Variants in DERPC observed in about 807,000 individuals in gnomAD.
DERPC encodes DERPC proline and glycine rich nuclear protein, also known as decreased expression in renal and prostate cancer protein.
In DERPC, 1 loss-of-function variant was observed where a neutral mutation model predicts 7.2. The observed-to-expected ratio is 0.14, with a 90% CI of 0.05 to 0.66. The LOEUF (loss-of-function observed/expected upper bound fraction) is 0.66. Among genes scored for constraint, DERPC ranks in the 30% least tolerant of loss-of-function variants. The pLI, the probability that DERPC is intolerant of heterozygous loss-of-function variation, is 0.84. For missense variants in DERPC, 502 were observed against 299.4 expected (o/e 1.68, Z -4.99); for synonymous variants, 185 against 117.6 (o/e 1.57, Z -3.71).
In DERPC at chr16:69,125,514, C is replaced by T. The variant is rs117114130; in HGVS notation, c.-279-4021G>A. ...AAAGGAAAAAAAGTATTAATGAGAA[C>T]GAAAAAGAATCAAGGCATCAGGCAG... On this transcript the variant is annotated intron_variant, in intron 1 of 2. Coordinates refer to ENST00000519520, the MANE Select transcript of DERPC (RefSeq NM_001002847.4). Among the ~76,000 whole-genome samples, 540 of 152,054 alleles carry T rather than the reference C, an allele frequency of 3.6e-3. 13 individuals carry two copies. The East Asian group carries it at 0.046, about 13-fold the overall frequency.
At chr16:69,121,358 G>T in intron 2 of DERPC, 78 bp downstream of exon 2, 1 of 1,370,280 alleles carries the variant, frequency 7.3e-7, no homozygotes, top group Non-Finnish European at 1.0e-6. Context: ...TAAGGACCCT[G>T]ATTCTTCCAG....
intron 2 of DERPC, 156 bp downstream of exon 2, chr16:69,121,280 T>C (rs1961634855): frequency 2.4e-6 from 3 of 1,267,724 alleles, no homozygotes; most frequent in Admixed American, 4.0e-5. Context: ...TGTCAAGTTC[T>C]TGGGAAATTG....
intron 1 of DERPC, among the ~76,000 whole-genome samples, chr16:69,122,286 A>T (rs1961729659): frequency 6.6e-6 from 1 of 152,214 alleles, no homozygotes; most frequent in African/African-American, 2.4e-5. Flanking sequence ...ACTAAGGAAA[A>T]GATGATATGA....
intron 1 of DERPC, among the ~76,000 whole-genome samples, chr16:69,129,245 A>G (rs1029274885): frequency 6.6e-6 from 1 of 151,802 alleles, no homozygotes; most frequent in Non-Finnish European, 1.5e-5. Flanking sequence ...CCTGGATAAC[A>G]CAGTGAAACC....
chr16:69,128,529 C>T (rs955981306), intron 1 of DERPC, among the ~76,000 whole-genome samples: 5 of 152,136 alleles, frequency 3.3e-5, no homozygotes, highest in South Asian at 2.1e-4. Flanking sequence ...TGGGCCTTCA[C>T]GCAGCTAAAT....
At chr16:69,126,710 G>GTATT (rs1962084852) in intron 1 of DERPC, among the ~76,000 whole-genome samples, 3 of 152,236 alleles carry the variant, frequency 2.0e-5, no homozygotes, top group African/African-American at 7.2e-5. Context: ...GCACGTGGGT[G>GTATT]TATTTACTAC....
intron 1 of DERPC, chr16:69,131,268 G>A (rs1962487076): frequency 6.6e-6 from 1 of 152,098 alleles, no homozygotes; most frequent in Non-Finnish European, 1.5e-5. Flanking sequence ...TCACATTTTA[G>A]GATTCCCACG....
intron 1 of DERPC, among the ~76,000 whole-genome samples, chr16:69,124,057 T>C (rs1961882317): frequency 1.3e-5 from 2 of 148,728 alleles, no homozygotes; most frequent in Non-Finnish European, 3.0e-5. Flanking sequence ...TGAGCTGAGA[T>C]CACACCACTG....
In DERPC at chr16:69,118,153, AT is replaced by A; in HGVS notation, c.*700del. 2 of 394,616 alleles carry A rather than the reference AT, an allele frequency of 5.1e-6. No individual in the cohort carries two copies. The highest frequency in any genetic ancestry group is 8.7e-6 in the Non-Finnish European group (2 of 229,458). 24.4% of individuals were successfully genotyped at this position (394,616 alleles called of 1,614,324 possible). A position where few individuals can be genotyped will look rare whatever the true frequency, so the allele number is the denominator to read the frequency against. ...CCCCCACCCTAATTCCCATATTCCC[AT>A]CCACATCAGTTTAAATTTTGAGGTT... On this transcript the variant is annotated 3_prime_UTR_variant, in exon 3 of 3. Coordinates refer to ENST00000519520, the MANE Select transcript of DERPC (RefSeq NM_001002847.4).
At chr16:69,121,108 C>T (rs183034674) in intron 2 of DERPC, 19 of 1,613,914 alleles carry the variant, frequency 1.2e-5, no homozygotes, top group South Asian at 5.5e-5. Context: ...AGTGCTGTAG[C>T]GAGCCTCGAT....
rs562295595 is a variant in DERPC at position 69,119,361 on chromosome 16, C to T, written c.1068G>A (p.Gly356=). ...AHFSRPVGPM[G]VNANPFPRGA... ...CCCTGGGAAAGGGATTGGCATTTAC[C>T]CCCATGGGGCCAACTGGCCTTGAGA... Residue 356 remains glycine, a synonymous_variant, in exon 3 of 3, where the codon GGG becomes GGA. Transcript: ENST00000519520. 31 of 703,046 alleles carry T rather than the reference C, an allele frequency of 4.4e-5. No individual in the cohort carries two copies. Among genetic ancestry groups the T allele is most frequent in the South Asian group, 4.3e-4 (29 of 67,596 alleles). The allele number at this position is 703,046 out of a possible 1,614,324, so 43.6% of individuals were successfully genotyped here.
At chr16:69,128,358 T>C (rs563501250) in intron 1 of DERPC, among the ~76,000 whole-genome samples, 6 of 152,324 alleles carry the variant, frequency 3.9e-5, no homozygotes, top group Non-Finnish European at 7.3e-5. Context: ...AGATTTAAAT[T>C]CATTATATTA....
rs771645177 is a variant in DERPC, at chr16:69,118,341, G to C, written c.*513C>G. The C allele has an allele frequency of 6.6e-7, 1 of 1,523,764 alleles. No homozygotes were observed. 94.4% of individuals were successfully genotyped at this position (1,523,764 alleles called of 1,614,324 possible). A position where few individuals can be genotyped will look rare whatever the true frequency, so the allele number is the denominator to read the frequency against. On this transcript the variant is annotated 3_prime_UTR_variant, in exon 3 of 3. Coordinates refer to ENST00000519520, the MANE Select transcript of DERPC (RefSeq NM_001002847.4). ...CTTTGAAGTGGTTGTCCATCTCCCTGTTCTGTGTTCAAGCCCCCAGGGAAA... is the reference window on the plus strand; with the variant it reads ...CTTTGAAGTGGTTGTCCATCTCCCTCTTCTGTGTTCAAGCCCCCAGGGAAA...
intron 1 of DERPC, among the ~76,000 whole-genome samples, chr16:69,130,818 G>T (rs146251391): frequency 3.7e-4 from 57 of 152,296 alleles, no homozygotes; most frequent in Middle Eastern, 3.4e-3. Flanking sequence ...AGCATTCTAC[G>T]AAAGCAGCAG....
intron 2 of DERPC, chr16:69,121,008 C>T: frequency 6.5e-7 from 1 of 1,535,014 alleles, no homozygotes. Flanking sequence ...CTTGGTGTAG[C>T]TTGCTTTCCT....
At chr16:69,130,735 T>C (rs936231102) in intron 1 of DERPC, among the ~76,000 whole-genome samples, 3 of 152,222 alleles carry the variant, frequency 2.0e-5, no homozygotes, top group African/African-American at 7.2e-5. Flanking sequence ...AAGGTGGCAT[T>C]TTCTTAGTAT....
Position 69,119,346 on chromosome 16 carries a change from G to C in DERPC, c.1083C>G (p.Pro361=), listed in dbSNP as rs1218910287. 7 of 702,960 alleles carry C rather than the reference G, an allele frequency of 1.0e-5. No individual in the cohort carries two copies. Among genetic ancestry groups the C allele is most frequent in the Non-Finnish European group, 1.6e-5 (6 of 385,030 alleles). The allele number at this position is 702,960 out of a possible 1,614,324, so 43.5% of individuals were successfully genotyped here. A position where few individuals can be genotyped will look rare whatever the true frequency, so the allele number is the denominator to read the frequency against. ...PVGPMGVNAN[P]FPRGAGSSAF... is the part of the protein sequence containing the mutation. ...CAGATGAACCTGCTCCCCTGGGAAA[G>C]GGATTGGCATTTACCCCCATGGGGC... Residue 361 remains proline, a synonymous_variant, in exon 3 of 3, where the codon CCC becomes CCG. Coordinates refer to ENST00000519520, the MANE Select transcript of DERPC (RefSeq NM_001002847.4).
chr16:69,121,145 A>C, intron 2 of DERPC: 1 of 1,613,306 alleles, frequency 6.2e-7, no homozygotes, highest in Non-Finnish European at 8.5e-7. Context: ...ATCAGCACCC[A>C]TTCTGCCAGG....
chr16:69,122,753 G>A (rs779606790), intron 1 of DERPC, among the ~76,000 whole-genome samples: 8 of 152,022 alleles, frequency 5.3e-5, no homozygotes, highest in Admixed American at 3.9e-4. Context: ...TGTTGGCCAG[G>A]CTGGTCTCGA....
Sources: allele counts gnomAD v4.1 joint callset (sites outside exome capture counted in the v4.1 genomes callset), GRCh38; gene constraint gnomAD v4.1.1; transcripts MANE v1.5; gene names NCBI Gene and HGNC (gene_info 2026-07-23, HGNC 2026-07-21).